CNTN5: variants seen among roughly 807,000 people sequenced by gnomAD.
CNTN5 encodes contactin-5.
CNTN5 carries 77 observed loss-of-function variants against 129.1 expected under a neutral mutation model. That is an observed-to-expected ratio of 0.60 (90% CI 0.50 to 0.72). The LOEUF (loss-of-function observed/expected upper bound fraction) is 0.72. CNTN5 is among the 30% of genes least tolerant of loss of function. The probability of loss-of-function intolerance (pLI) is 0.00; values close to 1 mark genes in which losing one functional copy is unlikely to be tolerated. For missense variants in CNTN5, 1,478 were observed against 1,328.8 expected (o/e 1.11, Z -1.75); for synonymous variants, 509 against 465.6 (o/e 1.09, Z -1.20).
chr11:100,147,791 T>A (rs1459469780), intron 13 of CNTN5, among the ~76,000 whole-genome samples: 1 of 151,978 alleles, frequency 6.6e-6, no homozygotes, highest in Non-Finnish European at 1.5e-5. Flanking sequence ...CTCCAGGGAC[T>A]GGGTGCTAAT....
At chr11:99,529,424 C>A (rs1472616466) in intron 2 of CNTN5, among the ~76,000 whole-genome samples, 5 of 152,148 alleles carry the variant, frequency 3.3e-5, no homozygotes, top group East Asian at 1.9e-4. Context: ...AAGACAATAA[C>A]AAGGTAACAG....
chr11:99,299,180 C>G (rs1437895570), intron 1 of CNTN5, among the ~76,000 whole-genome samples: 2 of 152,034 alleles, frequency 1.3e-5, no homozygotes, highest in Non-Finnish European at 2.9e-5. Context: ...AAAAGTACAG[C>G]CAACGGAAAA....
chr11:99,456,132 ACT>A (rs1027191467), intron 2 of CNTN5, among the ~76,000 whole-genome samples: 6 of 152,124 alleles, frequency 3.9e-5, no homozygotes, highest in Non-Finnish European at 7.4e-5. Context: ...CGATTTTTAA[ACT>A]CTTTTTTATT....
At chr11:99,338,945 TATC>T (rs1866378069) in intron 2 of CNTN5, among the ~76,000 whole-genome samples, 1 of 140,172 alleles carries the variant, frequency 7.1e-6, no homozygotes, top group South Asian at 2.3e-4. Context: ...TATATATATA[TATC>T]TGTGATATAT....
chr11:100,295,796 C>A (rs1265909696), intron 18 of CNTN5, among the ~76,000 whole-genome samples: 1 of 151,110 alleles, frequency 6.6e-6, no homozygotes, highest in African/African-American at 2.4e-5. Context: ...GGATTCAAAG[C>A]CCTAAATTTA....
intron 13 of CNTN5, among the ~76,000 whole-genome samples, chr11:100,159,252 TA>T (rs1006431233): frequency 6.6e-6 from 1 of 151,810 alleles, no homozygotes; most frequent in Non-Finnish European, 1.5e-5. Flanking sequence ...TGGTGGGCCA[TA>T]AAAAAAGTGT....
intron 2 of CNTN5, among the ~76,000 whole-genome samples, chr11:99,476,674 C>A (rs1012301570): frequency 6.6e-6 from 1 of 151,988 alleles, no homozygotes. Flanking sequence ...CCCAAGTTTC[C>A]CAGTTTATTT....
intron 9 of CNTN5, among the ~76,000 whole-genome samples, chr11:100,028,256 G>A (rs1941528644): frequency 1.3e-5 from 2 of 152,104 alleles, no homozygotes; most frequent in African/African-American, 4.8e-5. Flanking sequence ...TAGTTGAATA[G>A]GTTACATTTT....
At chr11:99,330,564 G>A (rs955935309) in intron 2 of CNTN5, among the ~76,000 whole-genome samples, 34 of 152,100 alleles carry the variant, frequency 2.2e-4, no homozygotes, top group Non-Finnish European at 3.4e-4. Context: ...TCTGATAACT[G>A]TGTTTCTCAA....
At chr11:99,412,755 T>C (rs1280467736) in intron 2 of CNTN5, among the ~76,000 whole-genome samples, 2 of 152,240 alleles carry the variant, frequency 1.3e-5, no homozygotes, top group African/African-American at 2.4e-5. Context: ...GTGCATTCTT[T>C]ATCACTTGCT....
At chr11:99,959,424 T>G (rs1950884723) in intron 8 of CNTN5, among the ~76,000 whole-genome samples, 1 of 152,216 alleles carries the variant, frequency 6.6e-6, no homozygotes, top group Non-Finnish European at 1.5e-5. Context: ...CATCTCCATC[T>G]GCATTGTTAT....
intron 2 of CNTN5, among the ~76,000 whole-genome samples, chr11:99,329,607 A>G (rs1456689165): frequency 1.3e-5 from 2 of 152,156 alleles, no homozygotes; most frequent in Non-Finnish European, 2.9e-5. Context: ...TAAGCTTAGT[A>G]TACAGAGTGA....
intron 3 of CNTN5, among the ~76,000 whole-genome samples, chr11:99,815,563 A>G (rs1946560553): frequency 6.6e-6 from 1 of 152,138 alleles, no homozygotes; most frequent in South Asian, 2.1e-4. Context: ...GGAAATGGTA[A>G]TGCAGGGGGT....
intron 3 of CNTN5, among the ~76,000 whole-genome samples, chr11:99,653,819 G>A (rs549354221): frequency 5.3e-5 from 8 of 151,944 alleles, no homozygotes; most frequent in African/African-American, 1.4e-4. Flanking sequence ...GAGGATATTC[G>A]CTTCTTCATA....
intron 2 of CNTN5, among the ~76,000 whole-genome samples, chr11:99,550,579 G>C (rs575938666): frequency 6.6e-6 from 1 of 152,190 alleles, no homozygotes; most frequent in East Asian, 1.9e-4. Context: ...AAAAAGAGAT[G>C]TTTCTTCATT....
At chr11:100,332,378 G>A (rs1359644541) in intron 21 of CNTN5, among the ~76,000 whole-genome samples, 2 of 152,060 alleles carry the variant, frequency 1.3e-5, no homozygotes, top group Non-Finnish European at 2.9e-5. Context: ...AGGATCACAT[G>A]GATTCACAGC....
chr11:99,597,514 G>GA (rs10715167), intron 3 of CNTN5, among the ~76,000 whole-genome samples: 8 of 151,126 alleles, frequency 5.3e-5, no homozygotes, highest in African/African-American at 1.7e-4. Context: ...GTTTAAGACT[G>GA]AAAAAAAAAA....
intron 1 of CNTN5, among the ~76,000 whole-genome samples, chr11:99,230,958 T>A (rs1860962988): frequency 6.6e-6 from 1 of 152,188 alleles, no homozygotes; most frequent in South Asian, 2.1e-4. Context: ...TCCAGCTCCA[T>A]CCATGTCACT....
At chr11:99,228,113 T>C (rs1282835420) in intron 1 of CNTN5, among the ~76,000 whole-genome samples, 1 of 152,158 alleles carries the variant, frequency 6.6e-6, no homozygotes, top group Non-Finnish European at 1.5e-5. Flanking sequence ...TTCTGACACA[T>C]AACCATAATC....
Sources: gnomAD v4.1 joint callset for allele counts (sites outside exome capture counted in the v4.1 genomes callset) on GRCh38, gnomAD v4.1.1 for gene constraint, MANE v1.5 for transcripts, NCBI Gene and HGNC (gene_info 2026-07-23, HGNC 2026-07-21) for gene names.